Variants in SLC41A1 observed in about 807,000 individuals in gnomAD.
SLC41A1 encodes the protein solute carrier family 41 (magnesium transporter), member 1.
A neutral mutation model predicts 47.3 loss-of-function variants in SLC41A1; 20 were observed. The ratio of observed to expected loss-of-function variants is 0.42; its 90% CI spans 0.30 to 0.61. SLC41A1 has a LOEUF of 0.61. Ranked by LOEUF, SLC41A1 falls within the 20% of genes least tolerant of loss-of-function variation. The pLI is 0.17. For missense variants in SLC41A1, 504 were observed against 674.1 expected (o/e 0.75, Z 2.79); for synonymous variants, 282 against 272.7 (o/e 1.03, Z -0.34).
Position 205,801,186 on chromosome 1 carries a change from C to G in SLC41A1, c.373-126G>C, listed in dbSNP as rs1241970165. On this transcript the variant is annotated intron_variant, in intron 2 of 10. Coordinates refer to ENST00000367137, the MANE Select transcript of SLC41A1 (RefSeq NM_173854.6). ...ATCAGCAGGGAGTGAGCACGCCAGC[C>G]ACCTTTCCTCCAAGAACCTTGGAAC... 16 of 740,982 alleles carry G rather than the reference C, an allele frequency of 2.2e-5. 1 individual carries two copies. In the South Asian group the frequency reaches 2.3e-4, roughly 11 times the overall value. The allele number at this position is 740,982 out of a possible 1,614,324, so 45.9% of individuals were successfully genotyped here. A position where few individuals can be genotyped will look rare whatever the true frequency, so the allele number is the denominator to read the frequency against.
chr1:205,813,043 G>GGCCGGGGAGGGC lies in SLC41A1; in HGVS notation c.-894_-883dup, dbSNP rs1354389681. 2.2e-5 allele frequency: 22 copies of GGCCGGGGAGGGC among 985,424 alleles called. No individual in the cohort carries two copies. The highest frequency in any genetic ancestry group is 2.4e-5 in the Non-Finnish European group (20 of 830,010). The allele number at this position is 985,424 out of a possible 1,614,324, so 61.0% of individuals were successfully genotyped here. Reference sequence around the variant, plus strand: ...CGCTCCGCTTCCACGCGGGGGAGGTGGCCGGGGAGGGCAGGATATATCGCT... The same window carrying GGCCGGGGAGGGC: ...CGCTCCGCTTCCACGCGGGGGAGGTGGCCGGGGAGGGCGCCGGGGAGGGCAGGATATATCGCT... On this transcript the variant is annotated 5_prime_UTR_variant, in exon 1 of 11. Coordinates refer to ENST00000367137, the MANE Select transcript of SLC41A1 (RefSeq NM_173854.6).
Position 205,810,002 on chromosome 1 carries a change from T to C in SLC41A1, c.372+68A>G. On this transcript the variant is annotated intron_variant, in intron 2 of 10. Transcript: ENST00000367137. This position sits in a 1 kb window ranked among gnomAD's most constrained non-coding sequence, Gnocchi z 5.5. ...TCTGACAGGGAGGTAGAGAGGAAGT[T>C]CCAAGTTTCCCAGCAGGCAAAGGTG... is the stretch of plus-strand genomic sequence containing the variant. 1 of 1,607,962 alleles carries C rather than the reference T, an allele frequency of 6.2e-7. No individual in the cohort carries two copies.
intron 2 of SLC41A1, among the ~76,000 whole-genome samples, chr1:205,808,870 T>C (rs940753310): frequency 6.6e-6 from 1 of 152,248 alleles, no homozygotes; most frequent in African/African-American, 2.4e-5. Context: ...GCACACACTA[T>C]CAAGAACCAA....
At chr1:205,800,268 C>T (rs1343801039) in intron 3 of SLC41A1, among the ~76,000 whole-genome samples, 1 of 152,176 alleles carries the variant, frequency 6.6e-6, no homozygotes, top group Non-Finnish European at 1.5e-5. Flanking sequence ...GTGGCATGGG[C>T]CAGAAGTCGG....
chr1:205,795,106 A>G, intron 9 of SLC41A1, 88 bp from the exon 10 acceptor site: 2 of 1,549,890 alleles, frequency 1.3e-6, no homozygotes, highest in Non-Finnish European at 1.8e-6. Flanking sequence ...GGACGGCACC[A>G]TACCCCAGGG....
In SLC41A1 at chr1:205,791,376, C is replaced by A. The variant is rs1655622716; in HGVS notation, c.*157G>T. 3 of 939,032 alleles carry A rather than the reference C, an allele frequency of 3.2e-6. No individual in the cohort carries two copies. The highest frequency in any genetic ancestry group is 5.0e-6 in the Non-Finnish European group (3 of 602,004). The allele number at this position is 939,032 out of a possible 1,614,324, so 58.2% of individuals were successfully genotyped here. On this transcript the variant is annotated 3_prime_UTR_variant, in exon 11 of 11. Transcript: ENST00000367137. The surrounding 1 kb of genome is among the most constrained non-coding windows in gnomAD (Gnocchi z 4.0). The stretch of plus-strand genomic sequence containing the variant: ...AAATTCTTGCTATACAAACTTGGCT[C>A]AATGTATAAAAATTCCCATTGAAAA...
At chr1:205,799,706 A>T in intron 4 of SLC41A1, 53 bp downstream of exon 4, 1 of 1,589,764 alleles carries the variant, frequency 6.3e-7, no homozygotes, top group African/African-American at 1.3e-5. Context: ...CCTTTCAGAG[A>T]TTCCTGACTA....
At position 205,813,174 on chromosome 1, in the gene SLC41A1, T is replaced by C. The variant is rs1372263995; in HGVS notation, c.-1013A>G. ...TCGGGCCCAACTGGTTGGCTGCCGG[T>C]GGCAAACGTGATCTGGGGCAGACTG... On this transcript the variant is annotated 5_prime_UTR_variant, in exon 1 of 11. Transcript: ENST00000367137. 1.0e-6 allele frequency: 1 copy of C among 985,178 alleles called. No individual in the cohort carries two copies. The highest frequency in any genetic ancestry group is 1.1e-4 in the East Asian group (1 of 8,786). 61.0% of individuals were successfully genotyped at this position (985,178 alleles called of 1,614,324 possible).
chr1:205,806,888 T>C (rs1030083071), intron 2 of SLC41A1, among the ~76,000 whole-genome samples: 2 of 152,162 alleles, frequency 1.3e-5, no homozygotes, highest in African/African-American at 2.4e-5. Flanking sequence ...TTTATTTTTT[T>C]TGCATCTCGT....
At chr1:205,802,286 C>G (rs1384117872) in intron 2 of SLC41A1, among the ~76,000 whole-genome samples, 3 of 152,088 alleles carry the variant, frequency 2.0e-5, no homozygotes, top group Admixed American at 2.0e-4. Flanking sequence ...GCTTATCTCC[C>G]CAGTACACCT....
In SLC41A1 at chr1:205,791,887, C is replaced by T. The variant is rs1282429123; in HGVS notation, c.1357-169G>A. Among the ~76,000 whole-genome samples, 1 of 152,218 alleles carries T rather than the reference C, an allele frequency of 6.6e-6. No individual in the cohort carries two copies. Among genetic ancestry groups the T allele is most frequent in the Non-Finnish European group, 1.5e-5 (1 of 68,040 alleles). Reference sequence around the variant, plus strand: ...AACCTCTCTGTGTTTCTCCACCCCACAATTACCACTTTGAGCAGACAACAG... The same window carrying T: ...AACCTCTCTGTGTTTCTCCACCCCATAATTACCACTTTGAGCAGACAACAG... On this transcript the variant is annotated intron_variant, in intron 10 of 10. Coordinates refer to ENST00000367137, the MANE Select transcript of SLC41A1 (RefSeq NM_173854.6). The surrounding 1 kb of genome is among the most constrained non-coding windows in gnomAD (Gnocchi z 4.0).
In SLC41A1 at chr1:205,791,860, G is replaced by T; in HGVS notation, c.1357-142C>A. Reference sequence around the variant, plus strand: ...TTTTAATCTTCCTCTTTCCACCCCAGCAACCTCTCTGTGTTTCTCCACCCC... The same window carrying T: ...TTTTAATCTTCCTCTTTCCACCCCATCAACCTCTCTGTGTTTCTCCACCCC... On this transcript the variant is annotated intron_variant, in intron 10 of 10. Transcript: ENST00000367137. This position sits in a 1 kb window ranked among gnomAD's most constrained non-coding sequence, Gnocchi z 4.0. 1 of 1,057,310 alleles carries T rather than the reference G, an allele frequency of 9.5e-7. No individual in the cohort carries two copies. The highest frequency in any genetic ancestry group is 1.4e-6 in the Non-Finnish European group (1 of 706,606). 65.5% of individuals were successfully genotyped at this position (1,057,310 alleles called of 1,614,324 possible).
Position 205,791,150 on chromosome 1 carries a change from C to T in SLC41A1, c.*383G>A, listed in dbSNP as rs1571636001. On this transcript the variant is annotated 3_prime_UTR_variant, in exon 11 of 11. Transcript: ENST00000367137. This position sits in a 1 kb window ranked among gnomAD's most constrained non-coding sequence, Gnocchi z 4.0. ...AAAACAGATAAAAAGAAAACAAAACCAAAAATCCAGAGCCCACTTACAAAG... is the reference window on the plus strand; with the variant it reads ...AAAACAGATAAAAAGAAAACAAAACTAAAAATCCAGAGCCCACTTACAAAG... 1 of 270,514 alleles carries T rather than the reference C, an allele frequency of 3.7e-6. No individual in the cohort carries two copies. The highest frequency in any genetic ancestry group is 9.7e-5 in the East Asian group (1 of 10,360). The allele number at this position is 270,514 out of a possible 1,614,324, so 16.8% of individuals were successfully genotyped here.
intron 2 of SLC41A1, chr1:205,801,273 A>G: frequency 1.9e-6 from 1 of 530,758 alleles, no homozygotes; most frequent in Non-Finnish European, 3.4e-6. Flanking sequence ...AGAACCAGGG[A>G]GATGGAGAGG....
chr1:205,794,581 T>G (rs1219778739), intron 10 of SLC41A1, among the ~76,000 whole-genome samples: 1 of 152,134 alleles, frequency 6.6e-6, no homozygotes, highest in Non-Finnish European at 1.5e-5. Flanking sequence ...AGGCTCAGCA[T>G]CCTACAACCA....
intron 1 of SLC41A1, 136 bp downstream of exon 1, chr1:205,812,672 C>CA: frequency 1.1e-6 from 1 of 898,940 alleles, no homozygotes; most frequent in Non-Finnish European, 1.3e-6. Context: ...TTAGTATCCC[C>CA]AACCCCGAGG....
chr1:205,797,752 T>A, intron 7 of SLC41A1, 152 bp downstream of exon 7: 1 of 1,091,572 alleles, frequency 9.2e-7, no homozygotes. Flanking sequence ...GTTCAGATGG[T>A]TTCTGTCATT....
intron 2 of SLC41A1, among the ~76,000 whole-genome samples, chr1:205,807,194 A>G (rs1656033023): frequency 6.6e-6 from 1 of 152,168 alleles, no homozygotes; most frequent in Non-Finnish European, 1.5e-5. Context: ...GATGTGGAAT[A>G]ACAATCTCCC....
chr1:205,802,041 A>C (rs1376121356), intron 2 of SLC41A1, among the ~76,000 whole-genome samples: 1 of 152,210 alleles, frequency 6.6e-6, no homozygotes, highest in Non-Finnish European at 1.5e-5. Flanking sequence ...GAGGACTTGC[A>C]AAAAGGTTTA....
Sources: gnomAD v4.1 joint callset for allele counts (sites outside exome capture counted in the v4.1 genomes callset) on GRCh38, gnomAD v4.1.1 for gene constraint, Gnocchi (gnomAD v3.1) non-coding constraint, MANE v1.5 for transcripts, NCBI Gene and HGNC (gene_info 2026-07-23, HGNC 2026-07-21) for gene names.